Variants in OR56A3 observed in about 807,000 individuals in gnomAD.
OR56A3 encodes olfactory receptor 56A3.
OR56A3 carries 23 observed loss-of-function variants against 17.5 expected under a neutral mutation model. That is an observed-to-expected ratio of 1.32 (90% CI 0.95 to 1.87). The LOEUF (loss-of-function observed/expected upper bound fraction) is 1.87, where lower values mean the gene tolerates loss of function less well. OR56A3 is among the 40% of genes most tolerant of loss of function. The pLI is 0.00. For synonymous variants in OR56A3, 175 were observed against 150.6 expected (o/e 1.16, Z -1.19); for missense variants, 366 against 380.1 (o/e 0.96, Z 0.31).
the OR56A3 span, among the ~76,000 whole-genome samples, chr11:6,007,315 A>G: frequency 6.6e-6 from 1 of 152,220 alleles, no homozygotes; most frequent in Non-Finnish European, 1.5e-5. Context: ...AGAGAAGGAA[A>G]TGGAGAGATG....
At chr11:5,996,256 T>C in the OR56A3 span, among the ~76,000 whole-genome samples, 28 of 152,220 alleles carry the variant, frequency 1.8e-4, no homozygotes, top group Non-Finnish European at 4.1e-4. Flanking sequence ...ATATTACATG[T>C]ACCAAATATT....
the OR56A3 span, among the ~76,000 whole-genome samples, chr11:5,998,927 A>C: frequency 6.6e-6 from 1 of 152,184 alleles, no homozygotes; most frequent in Non-Finnish European, 1.5e-5. Flanking sequence ...TGTTGGTACA[A>C]TTTGGAGGGG....
the OR56A3 span, chr11:6,016,980 A>G: frequency 3.3e-5 from 5 of 152,076 alleles, no homozygotes; most frequent in African/African-American, 1.2e-4. Context: ...ACCAAAAAAA[A>G]TAATAATATT....
At chr11:6,021,161 T>C in the OR56A3 span, 7 of 152,072 alleles carry the variant, frequency 4.6e-5, no homozygotes, top group African/African-American at 1.7e-4. Flanking sequence ...CACTAGCACA[T>C]TGAACTGACC....
At chr11:5,954,184 C>A (rs565079876), downstream of OR56A3, among the ~76,000 whole-genome samples, 67 of 152,252 alleles carry the variant, frequency 4.4e-4, no homozygotes, top group South Asian at 0.014. Flanking sequence ...TGTGTGAGAA[C>A]CAGCACAACT....
At chr11:6,017,386 A>G in the OR56A3 span, among the ~76,000 whole-genome samples, 81 of 152,376 alleles carry the variant, frequency 5.3e-4, no homozygotes, top group African/African-American at 1.9e-3. Context: ...CTAAAAGTTT[A>G]AAACGAAGAA....
chr11:5,945,988 C>T (rs766263954), intron 2 of OR56A3, among the ~76,000 whole-genome samples: 32 of 152,202 alleles, frequency 2.1e-4, no homozygotes, highest in Non-Finnish European at 4.1e-4. Flanking sequence ...AAAATAACAT[C>T]TGAACAGAAA....
At chr11:5,991,034 G>A in the OR56A3 span, among the ~76,000 whole-genome samples, 14 of 152,140 alleles carry the variant, frequency 9.2e-5, no homozygotes, top group South Asian at 6.2e-4. Context: ...CTAGCTTGTG[G>A]GGAACAATGA....
chr11:5,986,709 G>A, the OR56A3 span: 1 of 1,613,948 alleles, frequency 6.2e-7, no homozygotes, highest in Non-Finnish European at 8.5e-7. Context: ...ACATAGATTG[G>A]TGCAAGGATG....
At chr11:6,016,462 G>T in the OR56A3 span, among the ~76,000 whole-genome samples, 3 of 152,018 alleles carry the variant, frequency 2.0e-5, no homozygotes, top group Admixed American at 1.3e-4. Flanking sequence ...CAAAGCTAAA[G>T]TGCCCTACCC....
At chr11:5,943,163 T>C (rs1320351210) in intron 1 of OR56A3, among the ~76,000 whole-genome samples, 3 of 152,078 alleles carry the variant, frequency 2.0e-5, no homozygotes. Flanking sequence ...TGTTGAATGA[T>C]TGAAAAACAT....
At chr11:5,991,006 C>T in the OR56A3 span, among the ~76,000 whole-genome samples, 1 of 152,204 alleles carries the variant, frequency 6.6e-6, no homozygotes, top group Non-Finnish European at 1.5e-5. Flanking sequence ...AGTTCAATCT[C>T]CATGATGAAA....
downstream of OR56A3, among the ~76,000 whole-genome samples, chr11:5,951,862 G>C (rs1383888065): frequency 1.3e-5 from 2 of 151,926 alleles, no homozygotes; most frequent in Non-Finnish European, 2.9e-5. Flanking sequence ...ATAATAAATA[G>C]GTAATCAAAA....
chr11:5,997,549 T>C, the OR56A3 span, among the ~76,000 whole-genome samples: 6,310 of 152,272 alleles, frequency 0.041, 169 homozygotes, highest in African/African-American at 0.078. Context: ...ATAGGCCTAT[T>C]CTTCAGGGAG....
the OR56A3 span, chr11:5,994,986 C>T: frequency 6.0e-4 from 414 of 688,108 alleles, 1 homozygote; most frequent in African/African-American, 6.7e-3. Flanking sequence ...CGCCCGGACC[C>T]CAAGCCACCT....
chr11:5,959,784 T>C, the OR56A3 span, among the ~76,000 whole-genome samples: 1 of 152,222 alleles, frequency 6.6e-6, no homozygotes, highest in African/African-American at 2.4e-5. Flanking sequence ...TTTTCTCTAG[T>C]AGTTTCAGAG....
the OR56A3 span, among the ~76,000 whole-genome samples, chr11:5,992,874 A>T: frequency 1.3e-5 from 2 of 152,214 alleles, no homozygotes; most frequent in Non-Finnish European, 2.9e-5. Context: ...TTGGGAATAA[A>T]TAAGCAGATG....
At chr11:5,974,042 C>G in the OR56A3 span, among the ~76,000 whole-genome samples, 17 of 152,028 alleles carry the variant, frequency 1.1e-4, no homozygotes, top group African/African-American at 3.9e-4. Flanking sequence ...GTTGCTATCT[C>G]CTACGTGCTT....
chr11:5,985,970 C>T, the OR56A3 span: 459 of 1,610,558 alleles, frequency 2.8e-4, 4 homozygotes, highest in Middle Eastern at 3.0e-3. Context: ...ACTCTGAGCA[C>T]TCGCTGGCGG....
Sources: gnomAD v4.1 joint callset for allele counts (sites outside exome capture counted in the v4.1 genomes callset) on GRCh38, gnomAD v4.1.1 for gene constraint, MANE v1.5 for transcripts, NCBI Gene and HGNC (gene_info 2026-07-23, HGNC 2026-07-21) for gene names.